BMPR1A: variants seen among roughly 807,000 people sequenced by gnomAD.
BMPR1A encodes the protein bone morphogenetic protein receptor type-1A.
BMPR1A carries 7 observed loss-of-function variants against 66.0 expected under a neutral mutation model. The observed-to-expected ratio is 0.11, with a 90% CI of 0.06 to 0.20. The LOEUF (loss-of-function observed/expected upper bound fraction) is 0.20, where lower values mean the gene tolerates loss of function less well. BMPR1A is among the 10% of genes least tolerant of loss of function. The pLI is 1.00. For missense variants in BMPR1A, 408 were observed against 669.1 expected (o/e 0.61, Z 4.31); for synonymous variants, 200 against 229.7 (o/e 0.87, Z 1.17).
At chr10:86,820,356 G>A (rs1474347124) in intron 1 of BMPR1A, among the ~76,000 whole-genome samples, 1 of 151,428 alleles carries the variant, frequency 6.6e-6, no homozygotes, top group Non-Finnish European at 1.5e-5. Flanking sequence ...CCTTTTTTTA[G>A]TTTGGAAGAT....
At chr10:86,932,559 C>G (rs1589296383), downstream of BMPR1A, 3 of 152,300 alleles carry the variant, frequency 2.0e-5, no homozygotes, top group South Asian at 6.2e-4. Flanking sequence ...TTTCCCCTTT[C>G]CTTCTCAAAA....
At position 86,849,838 on chromosome 10, in the gene BMPR1A, C is replaced by T. The variant is rs190629715; in HGVS notation, c.-153+10859C>T. On this transcript the variant is annotated intron_variant, in intron 2 of 12. Transcript: ENST00000372037. ...AGACACTCAGTAAATATTAGTTTAA[C>T]TTTCCTTTCCTCATCTGAATTTTAT... Among the ~76,000 whole-genome samples, 5 of 152,318 alleles carry T rather than the reference C, an allele frequency of 3.3e-5. No homozygotes were observed. The East Asian group carries it at 9.6e-4, about 29-fold the overall frequency.
Position 86,829,713 on chromosome 10 carries a change from A to G in BMPR1A, c.-267-9152A>G, listed in dbSNP as rs73348048. On this transcript the variant is annotated intron_variant, in intron 1 of 12. Coordinates refer to ENST00000372037, the MANE Select transcript of BMPR1A (RefSeq NM_004329.3). ...AATTAGCTTATTTTCACTTGGCGCA[A>G]TTCCTTGAGATCTATCCAAGTTGTG... Among the ~76,000 whole-genome samples, 1,010 of 152,302 alleles carry G rather than the reference A, an allele frequency of 6.6e-3. 11 individuals are homozygous for G. The highest frequency in any genetic ancestry group is 0.023 in the African/African-American group (949 of 41,560).
intron 5 of BMPR1A, among the ~76,000 whole-genome samples, chr10:86,897,824 T>G (rs945184459): frequency 2.0e-5 from 3 of 152,134 alleles, no homozygotes; most frequent in Admixed American, 6.6e-5. Context: ...CAGCCTGATC[T>G]CAGACTCCTC....
chr10:86,799,234 A>C (rs971252725), intron 1 of BMPR1A, among the ~76,000 whole-genome samples: 4 of 152,210 alleles, frequency 2.6e-5, no homozygotes, highest in African/African-American at 9.6e-5. Flanking sequence ...CTAACCAACC[A>C]TTTCTGCTGG....
chr10:86,912,799 T>G (rs893017471), intron 8 of BMPR1A, among the ~76,000 whole-genome samples: 17 of 152,254 alleles, frequency 1.1e-4, no homozygotes, highest in African/African-American at 4.1e-4. Context: ...TATTTCAGAT[T>G]CTGAAATAAA....
At chr10:86,782,840 GTTGA>G (rs1414391322) in intron 1 of BMPR1A, among the ~76,000 whole-genome samples, 2 of 151,736 alleles carry the variant, frequency 1.3e-5, no homozygotes, top group Admixed American at 6.6e-5. Context: ...TCTGGTTTTG[GTTGA>G]TTGCTTGCCT....
At chr10:86,797,756 A>G (rs1262086726) in intron 1 of BMPR1A, among the ~76,000 whole-genome samples, 1 of 152,068 alleles carries the variant, frequency 6.6e-6, no homozygotes, top group Non-Finnish European at 1.5e-5. Context: ...TCAAATATGG[A>G]CCTTGTTCCA....
chr10:86,830,422 T>C (rs1842252501), intron 1 of BMPR1A, among the ~76,000 whole-genome samples: 1 of 152,234 alleles, frequency 6.6e-6, no homozygotes, highest in Admixed American at 6.5e-5. Context: ...GTGGCTTACC[T>C]GTAAGTAGCT....
intron 1 of BMPR1A, among the ~76,000 whole-genome samples, chr10:86,811,163 C>T (rs1841964884): frequency 2.0e-5 from 3 of 152,152 alleles, no homozygotes; most frequent in Admixed American, 6.5e-5. Context: ...CTCAGCCTCC[C>T]GAGTAGCTGG....
intron 3 of BMPR1A, among the ~76,000 whole-genome samples, chr10:86,888,826 C>CAAAA (rs11353145): frequency 0.011 from 970 of 85,432 alleles, 15 homozygotes; most frequent in African/African-American, 0.033. Context: ...GACCATGTCT[C>CAAAA]AAAAAAAAAA....
chr10:86,851,449 T>A (rs1001670324), intron 2 of BMPR1A, among the ~76,000 whole-genome samples: 15 of 152,228 alleles, frequency 9.9e-5, no homozygotes, highest in African/African-American at 3.6e-4. Flanking sequence ...AGAGGAGGAA[T>A]CATGTCTCTT....
At chr10:86,763,984 G>A (rs1841122200) in intron 1 of BMPR1A, among the ~76,000 whole-genome samples, 1 of 151,912 alleles carries the variant, frequency 6.6e-6, no homozygotes, top group African/African-American at 2.4e-5. Flanking sequence ...GTAGAGACAG[G>A]GTTTCACCGT....
chr10:86,815,445 T>C (rs976551389), intron 1 of BMPR1A, among the ~76,000 whole-genome samples: 1 of 152,202 alleles, frequency 6.6e-6, no homozygotes, highest in Admixed American at 6.6e-5. Context: ...TCATCAGGGC[T>C]TGTCCACTTC....
At chr10:86,928,277 C>T (rs1843775115), downstream of BMPR1A, 1 of 138,316 alleles carries the variant, frequency 7.2e-6, no homozygotes, top group African/African-American at 2.9e-5. Context: ...GGCTGGAGTG[C>T]AATGGCACGA....
chr10:86,890,244 C>G lies in BMPR1A; in HGVS notation c.230+20C>G, dbSNP rs755474277. 6.8e-6 allele frequency: 11 copies of G among 1,612,414 alleles called. No homozygotes were observed. The highest frequency in any genetic ancestry group is 9.3e-6 in the Non-Finnish European group (11 of 1,178,668). The stretch of plus-strand genomic sequence containing the variant: ...ATGCATGTAAGTATTTTATGCAGCC[C>G]TTCTTAAGAGTTAGGAGAATAGAGT... On this transcript the variant is annotated intron_variant, in intron 4 of 12. Transcript: ENST00000372037.
Position 86,890,098 on chromosome 10 carries a change from T to A in BMPR1A, c.104T>A (p.Met35Lys), listed in dbSNP as rs2133394661. 6.2e-7 allele frequency: 1 copy of A among 1,613,690 alleles called. No individual in the cohort carries two copies. The highest frequency in any genetic ancestry group is 8.5e-7 in the Non-Finnish European group (1 of 1,179,994). The change falls in exon 4 of 13, where the codon ATG (methionine) becomes AAG (lysine). Residue 35 changes from methionine (M) to lysine (K), a missense_variant. This residue lies in a region of BMPR1A where 68 missense variants were observed against 83.0 expected (regional missense o/e 0.82). Coordinates refer to ENST00000372037, the MANE Select transcript of BMPR1A (RefSeq NM_004329.3). Reference protein sequence around the residue: ...NLDSMLHGTGMKSDSDQKKSE... With the variant: ...NLDSMLHGTGKKSDSDQKKSE... ...GATAGTATGCTTCATGGCACTGGGA[T>A]GAAATCAGACTCCGACCAGAAAAAG...
chr10:86,761,099 T>C (rs1841049162), intron 1 of BMPR1A, among the ~76,000 whole-genome samples: 1 of 152,206 alleles, frequency 6.6e-6, no homozygotes, highest in Non-Finnish European at 1.5e-5. Flanking sequence ...TAGTGTTTTT[T>C]GAAAAGAACA....
At chr10:86,873,339 C>T (rs1241398650) in intron 2 of BMPR1A, among the ~76,000 whole-genome samples, 1 of 151,848 alleles carries the variant, frequency 6.6e-6, no homozygotes, top group Non-Finnish European at 1.5e-5. Flanking sequence ...AATCTCAGCA[C>T]TCTGGGAGGA....
Sources: allele counts gnomAD v4.1 joint callset (sites outside exome capture counted in the v4.1 genomes callset), GRCh38; gene constraint gnomAD v4.1.1; regional missense constraint gnomAD v4.1.1; transcripts MANE v1.5; gene names NCBI Gene and HGNC (gene_info 2026-07-23, HGNC 2026-07-21).